The following SVEP1 variants were observed in gnomAD, a reference collection of about 807,000 sequenced individuals.
The protein encoded by SVEP1 is sushi, von Willebrand factor type A, EGF and pentraxin domain containing 1, also known as sushi, von Willebrand factor type A, EGF and pentraxin domain-containing protein 1.
A neutral mutation model predicts 367.3 loss-of-function variants in SVEP1; 164 were observed. That is an observed-to-expected ratio of 0.45 (90% confidence interval 0.39 to 0.51). SVEP1 has a LOEUF of 0.51. SVEP1 is among the 20% of genes least tolerant of loss of function. SVEP1 has a pLI of 0.00. For missense variants in SVEP1, 4,117 were observed against 4,425.3 expected, an observed-to-expected ratio of 0.93 and a Z score of 1.98; for synonymous variants, 1,666 against 1,611.6, an observed-to-expected ratio of 1.03 and a Z score of -0.81.
intron 36 of SVEP1, among the ~76,000 whole-genome samples, chr9:110,413,474 T>A (rs1239595627): frequency 6.6e-6 from 1 of 151,046 alleles, no homozygotes; most frequent in Non-Finnish European, 1.5e-5. Context: ...TGCACCAGCA[T>A]GGCACATGTA....
intron 4 of SVEP1, among the ~76,000 whole-genome samples, chr9:110,513,581 A>G (rs1829756084): frequency 6.6e-6 from 1 of 152,180 alleles, no homozygotes; most frequent in Non-Finnish European, 1.5e-5. Context: ...TTATAAAAAT[A>G]TATTATTTCA....
At chr9:110,555,056 T>C (rs1026447819) in intron 1 of SVEP1, among the ~76,000 whole-genome samples, 2 of 152,148 alleles carry the variant, frequency 1.3e-5, no homozygotes, top group African/African-American at 4.8e-5. Context: ...TAAACTTGCT[T>C]TCTGTCTGAG....
rs759017816 is a variant in SVEP1, at chr9:110,553,105, G to A, written c.532-3001C>T. ...GCGGATGACCAACAAAGACCATCAT[G>A]ACTATTGATGAGACAACTGGGCATC... On this transcript the variant is annotated intron_variant, in intron 1 of 47. Transcript: ENST00000374469. 2.5e-4 allele frequency among the ~76,000 whole-genome samples: 38 copies of A among 152,292 alleles called. No individual in the cohort carries two copies. In the Middle Eastern group the frequency reaches 0.01, roughly 41 times the overall value.
intron 13 of SVEP1, among the ~76,000 whole-genome samples, chr9:110,478,308 G>T: frequency 6.6e-6 from 1 of 151,964 alleles, no homozygotes; most frequent in East Asian, 1.9e-4. Flanking sequence ...GTTTATTGTT[G>T]GTCTATTCAT....
rs375822608 is a variant in SVEP1, at chr9:110,416,037, G to A, written c.5976-4302C>T. Among the ~76,000 whole-genome samples the A allele has an allele frequency of 7.2e-5, 11 of 151,874 alleles. No individual in the cohort carries two copies. In the South Asian group the frequency reaches 1.0e-3, roughly 14 times the overall value. On this transcript the variant is annotated intron_variant, in intron 36 of 47. Transcript: ENST00000374469. ...TAGGTTCTTGGCTGGTGATACTCCCGAAACACCTGGTAGAAAAAAAATCTA... is the reference window on the plus strand; with the variant it reads ...TAGGTTCTTGGCTGGTGATACTCCCAAAACACCTGGTAGAAAAAAAATCTA...
chr9:110,509,375 CT>C (rs1427318645), intron 5 of SVEP1, among the ~76,000 whole-genome samples: 1 of 152,178 alleles, frequency 6.6e-6, no homozygotes, highest in Non-Finnish European at 1.5e-5. Context: ...GGGTAAGTAC[CT>C]TCATTCAGTA....
At chr9:110,562,586 A>G (rs1830446110) in intron 1 of SVEP1, among the ~76,000 whole-genome samples, 1 of 152,244 alleles carries the variant, frequency 6.6e-6, no homozygotes, top group Admixed American at 6.5e-5. Flanking sequence ...AGGTACTTAC[A>G]TAATATGACC....
At chr9:110,570,950 T>A (rs1027524749) in intron 1 of SVEP1, among the ~76,000 whole-genome samples, 1 of 150,354 alleles carries the variant, frequency 6.7e-6, no homozygotes, top group African/African-American at 2.4e-5. Context: ...TGGTTAGACA[T>A]ATACTCTTCC....
intron 8 of SVEP1, among the ~76,000 whole-genome samples, chr9:110,493,625 G>C (rs1588079843): frequency 6.6e-6 from 1 of 152,102 alleles, no homozygotes. Flanking sequence ...CCAGCTACTT[G>C]GGAGGCTGAG....
rs756926164 is a variant in SVEP1, at chr9:110,445,837, C to T, written c.4463G>A (p.Gly1488Asp). 1 of 1,613,664 alleles carries T rather than the reference C, an allele frequency of 6.2e-7. No homozygotes were observed. The highest frequency in any genetic ancestry group is 2.2e-5 in the East Asian group (1 of 44,882). ...TAGCCTTCCCGACACTTCTGCTTAC[C>T]CGTTATAATCAGTCAGGAGCAAGGT... ...DNTLLLTDYN[G>D]WVLYVNGREK... The change falls in exon 26 of 48, where the codon GGC (glycine) becomes GAC (aspartate). Residue 1488 changes from glycine (G) to aspartate (D), a missense_variant and splice_region_variant. This residue lies in a region of SVEP1 where 2,174 missense variants were observed against 2,494.3 expected (regional missense o/e 0.87). Transcript: ENST00000374469.
intron 23 of SVEP1, among the ~76,000 whole-genome samples, chr9:110,450,595 G>C (rs1391016900): frequency 6.7e-6 from 1 of 148,150 alleles, no homozygotes; most frequent in Non-Finnish European, 1.5e-5. Flanking sequence ...TCAGCCTCCT[G>C]AGTAGCTGAG....
chr9:110,529,234 G>A (rs1185598059), intron 3 of SVEP1, among the ~76,000 whole-genome samples: 1 of 151,840 alleles, frequency 6.6e-6, no homozygotes, highest in Non-Finnish European at 1.5e-5. Flanking sequence ...TGGTCTATAT[G>A]TCTACTTTTA....
At chr9:110,393,812 G>C (rs1203472129) in intron 40 of SVEP1, among the ~76,000 whole-genome samples, 1 of 152,186 alleles carries the variant, frequency 6.6e-6, no homozygotes, top group Non-Finnish European at 1.5e-5. Context: ...GCTGGGGGAG[G>C]GGTGCCCACC....
intron 27 of SVEP1, among the ~76,000 whole-genome samples, chr9:110,436,799 T>C (rs1345019068): frequency 1.3e-5 from 2 of 152,226 alleles, no homozygotes; most frequent in Non-Finnish European, 2.9e-5. Context: ...TTAGGTGTTA[T>C]TTTGCTTACT....
At chr9:110,552,749 G>A in intron 1 of SVEP1, among the ~76,000 whole-genome samples, 1 of 152,160 alleles carries the variant, frequency 6.6e-6, no homozygotes, top group East Asian at 1.9e-4. Flanking sequence ...CTGTTGTGTG[G>A]CCCAGTTCCT....
At chr9:110,484,242 C>T (rs187802918) in intron 9 of SVEP1, among the ~76,000 whole-genome samples, 1 of 152,092 alleles carries the variant, frequency 6.6e-6, no homozygotes, top group Non-Finnish European at 1.5e-5. Context: ...AGAGGTGGAA[C>T]GCTGGAGCTA....
Position 110,365,777 on chromosome 9 carries a change from T to C in SVEP1, c.*762A>G, listed in dbSNP as rs7875389. The C allele has an allele frequency of 0.46, 70,324 of 152,070 alleles. 16,782 individuals carry two copies. The highest frequency in any genetic ancestry group is 0.61 in the Middle Eastern group (179 of 294). The allele number at this position is 152,070 out of a possible 1,614,324, so 9.4% of individuals were successfully genotyped here. A position where few individuals can be genotyped will look rare whatever the true frequency, so the allele number is the denominator to read the frequency against. ...GATTACCAGTCCGGGTATCAGCTCT[T>C]TGTTAATCTTCCAGTTCTTGCATTT... On this transcript the variant is annotated 3_prime_UTR_variant, in exon 48 of 48. Transcript: ENST00000374469.
Position 110,579,074 on chromosome 9 carries a change from A to T in SVEP1, c.470T>A (p.Ile157Asn). 6.4e-7 allele frequency: 1 copy of T among 1,550,688 alleles called. No individual in the cohort carries two copies. Among genetic ancestry groups the T allele is most frequent in the Non-Finnish European group, 8.7e-7 (1 of 1,147,272 alleles). Residue 157 changes from isoleucine (I) to asparagine (N), a missense_variant, in exon 1 of 48, where the codon ATC (isoleucine) becomes AAC (asparagine). Ile to Asn is a moderately radical substitution (Grantham distance 149). This residue lies in a region of SVEP1 where 2,174 missense variants were observed against 2,494.3 expected (regional missense o/e 0.87). Transcript: ENST00000374469. This position sits in a 1 kb window ranked among gnomAD's most constrained non-coding sequence, Gnocchi z 5.3. ...QHKCALLLQE[I>N]PAISYRGGGT... ...GCCACCTCGGTAGGAGATGGCAGGG[A>T]TCTCTTGGAGGAGCAGCGCGCACTT...
chr9:110,416,249 G>A (rs558020134), intron 36 of SVEP1, among the ~76,000 whole-genome samples: 2 of 151,892 alleles, frequency 1.3e-5, no homozygotes, highest in East Asian at 3.9e-4. Flanking sequence ...ATAAAAAATA[G>A]TATGAAATAA....
Sources: allele counts gnomAD v4.1 joint callset (sites outside exome capture counted in the v4.1 genomes callset), GRCh38; gene constraint gnomAD v4.1.1; regional missense constraint gnomAD v4.1.1; non-coding constraint Gnocchi (gnomAD v3.1); transcripts MANE v1.5; gene names NCBI Gene and HGNC (gene_info 2026-07-23, HGNC 2026-07-21).